PLB1: variants seen among roughly 807,000 people sequenced by gnomAD.
PLB1 encodes the protein phospholipase B1, also known as phospholipase B1, membrane-associated.
A neutral mutation model predicts 227.4 loss-of-function variants in PLB1; 242 were observed. The ratio of observed to expected loss-of-function variants is 1.06; its 90% CI spans 0.96 to 1.18. The LOEUF is 1.18. Ranked by LOEUF, PLB1 falls within the 50% of genes most tolerant of loss-of-function variation. The pLI is 0.00. For missense variants in PLB1, 1,858 were observed against 1,816.3 expected (o/e 1.02, Z -0.42); for synonymous variants, 757 against 682.2 (o/e 1.11, Z -1.71).
At chr2:28,545,591 C>T (rs1673130510) in intron 14 of PLB1, among the ~76,000 whole-genome samples, 1 of 152,180 alleles carries the variant, frequency 6.6e-6, no homozygotes. Flanking sequence ...TTTTCTCTAC[C>T]TGCCAAAAAG....
intron 17 of PLB1, among the ~76,000 whole-genome samples, chr2:28,556,839 T>G (rs1675213560): frequency 6.6e-6 from 1 of 152,192 alleles, no homozygotes; most frequent in East Asian, 1.9e-4. Flanking sequence ...AACAGTTCAT[T>G]CATTTATTTT....
At chr2:28,582,591 A>C in intron 25 of PLB1, 86 bp downstream of exon 25, 2 of 1,047,858 alleles carry the variant, frequency 1.9e-6, no homozygotes, top group African/African-American at 1.6e-5. Flanking sequence ...TAGAAAACCC[A>C]AGGGCCGAAG....
At position 28,566,831 on chromosome 2, in the gene PLB1, C is replaced by T. The variant is rs1352346650; in HGVS notation, c.1316C>T (p.Thr439Ile). 5 of 1,613,880 alleles carry T rather than the reference C, an allele frequency of 3.1e-6. No homozygotes were observed. The highest frequency in any genetic ancestry group is 3.4e-6 in the Non-Finnish European group (4 of 1,180,022). ...GGDENIGTVTTLANILREFNP... is the reference protein window; with the variant it reads ...GGDENIGTVTILANILREFNP... The stretch of plus-strand genomic sequence containing the variant: ...GATGAGAACATCGGCACCGTTACCA[C>T]CCTGGCGAGTGAGTACGCGGCGGCG... Residue 439 changes from threonine (T) to isoleucine (I), a missense_variant, in exon 20 of 58, where the codon ACC becomes ATC. Physicochemically the swap from Thr to Ile is moderately conservative, Grantham distance 89. Coordinates refer to ENST00000327757, the MANE Select transcript of PLB1 (RefSeq NM_153021.5).
In PLB1 at chr2:28,541,821, G is replaced by A. The variant is rs1055970060; in HGVS notation, c.879+10G>A. 2 of 1,598,566 alleles carry A rather than the reference G, an allele frequency of 1.3e-6. No homozygotes were observed. Among genetic ancestry groups the A allele is most frequent in the South Asian group, 2.2e-5 (2 of 90,790 alleles). ...CCCATCTCTACACTCGGTAAGTGGG[G>A]GCTGCATGGCGTATCAAGAGTGTGG... On this transcript the variant is annotated intron_variant, in intron 13 of 57. Transcript: ENST00000327757.
intron 49 of PLB1, among the ~76,000 whole-genome samples, chr2:28,621,851 GTTA>G (rs1253868875): frequency 1.4e-5 from 2 of 145,794 alleles, no homozygotes; most frequent in African/African-American, 2.5e-5. Context: ...TCTAATTACT[GTTA>G]TTATTGTTAT....
At chr2:28,564,692 C>T (rs909491987) in intron 18 of PLB1, among the ~76,000 whole-genome samples, 1 of 152,120 alleles carries the variant, frequency 6.6e-6, no homozygotes, top group African/African-American at 2.4e-5. Flanking sequence ...GGGGGCCTCT[C>T]ATGGAGGCCA....
At chr2:28,603,838 A>C in intron 39 of PLB1, 128 bp from the exon 40 acceptor site, 2 of 812,994 alleles carry the variant, frequency 2.5e-6, no homozygotes, top group Non-Finnish European at 4.0e-6. Context: ...CAGAGCCTCA[A>C]GGCTTGAGTG....
chr2:28,619,230 T>C (rs749219329), intron 46 of PLB1, among the ~76,000 whole-genome samples: 5 of 152,146 alleles, frequency 3.3e-5, no homozygotes, highest in Admixed American at 1.3e-4. Flanking sequence ...CCGTGTGCGT[T>C]GTTCCCCTCC....
At chr2:28,616,912 G>A (rs1225640080) in intron 44 of PLB1, among the ~76,000 whole-genome samples, 1 of 151,864 alleles carries the variant, frequency 6.6e-6, no homozygotes, top group East Asian at 1.9e-4. Flanking sequence ...CATAGCATCT[G>A]GCAGTCAGAC....
At chr2:28,563,880 G>A (rs933261492) in intron 18 of PLB1, among the ~76,000 whole-genome samples, 1 of 152,142 alleles carries the variant, frequency 6.6e-6, no homozygotes, top group African/African-American at 2.4e-5. Context: ...CTATCACAAT[G>A]ATATCATCCA....
chr2:28,617,617 A>T, intron 44 of PLB1, 110 bp from the exon 45 acceptor site: 1 of 996,970 alleles, frequency 1.0e-6, no homozygotes, highest in Non-Finnish European at 1.6e-6. Flanking sequence ...CTGTATGGTG[A>T]CTCATTTCTA....
intron 17 of PLB1, among the ~76,000 whole-genome samples, chr2:28,553,752 T>C (rs1461598977): frequency 6.6e-6 from 1 of 152,246 alleles, no homozygotes; most frequent in Non-Finnish European, 1.5e-5. Context: ...CATTTGTGTG[T>C]TAGAGGATTG....
At position 28,630,453 on chromosome 2, in the gene PLB1, C is replaced by A. The variant is rs1015621604; in HGVS notation, c.3819-133C>A. On this transcript the variant is annotated intron_variant, in intron 53 of 57. Coordinates refer to ENST00000327757, the MANE Select transcript of PLB1 (RefSeq NM_153021.5). ...TGTGGGGATACTTGTGTGTCACCCC[C>A]CGCCCTAGGTAAGGCAGCACAGGCT... 315 of 648,260 alleles carry A rather than the reference C, an allele frequency of 4.9e-4. 2 individuals carry two copies. Among genetic ancestry groups the A allele is most frequent in the Middle Eastern group, 7.5e-4 (2 of 2,670 alleles). The allele number at this position is 648,260 out of a possible 1,614,324, so 40.2% of individuals were successfully genotyped here.
intron 18 of PLB1, among the ~76,000 whole-genome samples, chr2:28,564,944 A>G (rs138489126): frequency 9.2e-5 from 14 of 152,354 alleles, no homozygotes; most frequent in African/African-American, 3.4e-4. Flanking sequence ...CTTTAAAAAA[A>G]TGAGAAAAAC....
intron 51 of PLB1, among the ~76,000 whole-genome samples, chr2:28,627,713 A>G (rs1340366419): frequency 1.3e-5 from 2 of 152,276 alleles, no homozygotes; most frequent in Admixed American, 6.5e-5. Context: ...AATTGAGTGC[A>G]CGGTATCTCA....
chr2:28,592,718 C>T lies in PLB1; in HGVS notation c.2246C>T (p.Thr749Ile). Residue 749 changes from threonine (T) to isoleucine (I), a missense_variant and splice_region_variant, in exon 32 of 58, where the codon ACC becomes ATC. By Grantham distance (89) the Thr-to-Ile change is moderately conservative. Coordinates refer to ENST00000327757, the MANE Select transcript of PLB1 (RefSeq NM_153021.5). The part of the protein sequence containing the change: ...QVVAALGDSL[T>I]AGNGIGSKPD... ...GTGGCTGCTCTGGGGGATTCTCTGA[C>T]CGTAAGGACTCTTGGGCCCCAGGTG... is the stretch of plus-strand genomic sequence containing the variant. The T allele has an allele frequency of 1.9e-6, 3 of 1,613,962 alleles. No individual in the cohort carries two copies. The highest frequency in any genetic ancestry group is 2.5e-6 in the Non-Finnish European group (3 of 1,179,914).
chr2:28,610,853 C>T (rs1685346419), intron 43 of PLB1, among the ~76,000 whole-genome samples: 1 of 151,760 alleles, frequency 6.6e-6, no homozygotes, highest in South Asian at 2.1e-4. Context: ...GCTGGAACTA[C>T]TAGACCGGTT....
chr2:28,541,867 T>C, intron 13 of PLB1, 56 bp downstream of exon 13: 3 of 1,408,560 alleles, frequency 2.1e-6, no homozygotes, highest in Non-Finnish European at 3.0e-6. Context: ...GCATGGTGGC[T>C]CACTCCTGTA....
chr2:28,532,047 C>T (rs1671083511), intron 8 of PLB1, 61 bp from the exon 9 acceptor site: 2 of 1,265,646 alleles, frequency 1.6e-6, no homozygotes, highest in South Asian at 2.6e-5. Flanking sequence ...AAAACAAAGA[C>T]ATTATTTTGG....
Sources: gnomAD v4.1 joint callset for allele counts (sites outside exome capture counted in the v4.1 genomes callset) on GRCh38, gnomAD v4.1.1 for gene constraint, MANE v1.5 for transcripts, NCBI Gene and HGNC (gene_info 2026-07-23, HGNC 2026-07-21) for gene names.